The following DMD variants were observed in gnomAD, a reference collection of about 807,000 sequenced individuals.
DMD encodes the protein dystrophin, also known as mutant dystrophin.
A neutral mutation model predicts 330.1 loss-of-function variants in DMD; 63 were observed. That is an observed-to-expected ratio of 0.19 (90% CI 0.16 to 0.24). The LOEUF (loss-of-function observed/expected upper bound fraction) is 0.24. Among genes scored for constraint, DMD ranks in the 10% least tolerant of loss-of-function variants. The pLI is 1.00. For missense variants in DMD, 3,344 were observed against 2,684.1 expected, an observed-to-expected ratio of 1.25 and a Z score of -5.43; for synonymous variants, 1,223 against 959.8, an observed-to-expected ratio of 1.27 and a Z score of -5.07.
intron 47 of DMD, among the ~76,000 whole-genome samples, chrX:31,928,333 C>A (rs893347851): frequency 9.0e-6 from 1 of 111,436 alleles, no homozygotes; most frequent in Admixed American, 9.5e-5. Context: ...AGGCTGGGCG[C>A]GGTGGCTCAC....
At chrX:32,159,297 A>G (rs1233861200) in intron 44 of DMD, among the ~76,000 whole-genome samples, 2 of 112,312 alleles carry the variant, frequency 1.8e-5, no homozygotes, top group Non-Finnish European at 3.8e-5. Flanking sequence ...AGAAATAGAC[A>G]TGGGAATCAA....
intron 74 of DMD, among the ~76,000 whole-genome samples, chrX:31,158,971 C>G (rs962218020): frequency 3.6e-5 from 4 of 111,560 alleles, no homozygotes; most frequent in Non-Finnish European, 7.5e-5. Context: ...ACATCACAAA[C>G]TAAACAGGTA....
intron 2 of DMD, among the ~76,000 whole-genome samples, chrX:32,860,822 C>CG (rs1288595099): frequency 9.0e-6 from 1 of 111,015 alleles, no homozygotes; most frequent in Non-Finnish European, 1.9e-5. Context: ...GCCACTATGA[C>CG]GACTTGTGGC....
At chrX:31,865,829 G>A (rs780611667) in intron 48 of DMD, among the ~76,000 whole-genome samples, 12 of 111,852 alleles carry the variant, frequency 1.1e-4, no homozygotes, top group Non-Finnish European at 2.1e-4. Context: ...AGTATTTAGA[G>A]AAATCATTTT....
At chrX:33,232,589 CTCT>C (rs1378567998) in intron 1 of DMD, among the ~76,000 whole-genome samples, 1 of 111,593 alleles carries the variant, frequency 9.0e-6, no homozygotes, top group Non-Finnish European at 1.9e-5. Context: ...TCAATTCTTT[CTCT>C]TCTTAAAAGC....
intron 26 of DMD, among the ~76,000 whole-genome samples, chrX:32,448,874 A>G (rs1230764718): frequency 9.0e-6 from 1 of 110,990 alleles, no homozygotes; most frequent in Admixed American, 9.6e-5. Flanking sequence ...TAGACTGAAA[A>G]GTAGTCTGCA....
intron 45 of DMD, among the ~76,000 whole-genome samples, chrX:31,942,675 T>G (rs191621344): frequency 8.9e-6 from 1 of 111,759 alleles, no homozygotes; most frequent in East Asian, 2.8e-4. Context: ...AACCCAGGTA[T>G]AGGTCACAGG....
intron 44 of DMD, among the ~76,000 whole-genome samples, chrX:32,192,046 A>C (rs758257158): frequency 7.1e-4 from 80 of 112,018 alleles, no homozygotes; most frequent in African/African-American, 2.5e-3. Flanking sequence ...CTATATTTAA[A>C]AGTAACATCT....
intron 7 of DMD, chrX:32,754,803 C>T: frequency 8.9e-6 from 1 of 111,800 alleles, no homozygotes; most frequent in Non-Finnish European, 1.9e-5. Context: ...AGACACATAA[C>T]TGTACATAAC....
At chrX:31,368,649 C>G (rs2059385876) in intron 60 of DMD, among the ~76,000 whole-genome samples, 1 of 108,518 alleles carries the variant, frequency 9.2e-6, no homozygotes, top group Non-Finnish European at 1.9e-5. Context: ...CAGGTCCCCC[C>G]GCCCTTTTTT....
intron 47 of DMD, among the ~76,000 whole-genome samples, chrX:31,901,370 CCTCTT>C (rs2094419817): frequency 8.9e-6 from 1 of 111,818 alleles, no homozygotes; most frequent in Non-Finnish European, 1.9e-5. Context: ...AATAATCTTT[CCTCTT>C]CTCTTGAGTA....
At chrX:32,843,627 T>C (rs1220084016) in intron 4 of DMD, among the ~76,000 whole-genome samples, 1 of 112,252 alleles carries the variant, frequency 8.9e-6, no homozygotes, top group Non-Finnish European at 1.9e-5. Context: ...TCCCTGCTTA[T>C]GGTTATTTTA....
chrX:32,296,318 G>A (rs1256506273), intron 42 of DMD, among the ~76,000 whole-genome samples: 1 of 111,274 alleles, frequency 9.0e-6, no homozygotes, highest in East Asian at 2.8e-4. Flanking sequence ...TTGACCCCAG[G>A]AAGCGGAGGT....
intron 2 of DMD, among the ~76,000 whole-genome samples, chrX:32,958,070 A>G (rs1024119031): frequency 1.8e-5 from 2 of 112,069 alleles, no homozygotes; most frequent in African/African-American, 6.5e-5. Flanking sequence ...GGTAATTACC[A>G]TATAAGCAAT....
intron 2 of DMD, among the ~76,000 whole-genome samples, chrX:32,936,118 T>G (rs2146752965): frequency 9.0e-6 from 1 of 110,606 alleles, no homozygotes; most frequent in Non-Finnish European, 1.9e-5. Context: ...TATCTCTTTT[T>G]TTTTTTTCTG....
At chrX:32,280,006 CAT>C (rs201513891) in intron 43 of DMD, among the ~76,000 whole-genome samples, 9 of 67,022 alleles carry the variant, frequency 1.3e-4, no homozygotes, top group African/African-American at 6.0e-4. Context: ...ATGTACCCCA[CAT>C]ATATATATGT....
At chrX:31,653,180 T>A (rs1354475620) in intron 54 of DMD, among the ~76,000 whole-genome samples, 1 of 111,252 alleles carries the variant, frequency 9.0e-6, no homozygotes, top group Non-Finnish European at 1.9e-5. Context: ...AAAGAGTGAC[T>A]TACAAGTGCC....
At chrX:32,993,884 T>G (rs763394079) in intron 2 of DMD, among the ~76,000 whole-genome samples, 1 of 110,958 alleles carries the variant, frequency 9.0e-6, no homozygotes, top group East Asian at 2.9e-4. Flanking sequence ...ACAAATGTAT[T>G]TAATATAAAT....
chrX:32,567,020 T>G (rs948246486), intron 15 of DMD, among the ~76,000 whole-genome samples: 1 of 112,044 alleles, frequency 8.9e-6, no homozygotes, highest in Non-Finnish European at 1.9e-5. Flanking sequence ...AATGCACCAA[T>G]TGCCCATGAA....
Sources: gnomAD v4.1 joint callset for allele counts (sites outside exome capture counted in the v4.1 genomes callset) on GRCh38, gnomAD v4.1.1 for gene constraint, MANE v1.5 for transcripts, NCBI Gene and HGNC (gene_info 2026-07-23, HGNC 2026-07-21) for gene names.